Variants in SCGB1D2 observed in about 807,000 individuals in gnomAD.
SCGB1D2 encodes secretoglobin family 1D member 2.
Under a neutral mutation model 10.5 loss-of-function variants are expected in SCGB1D2, and 10 were observed. The ratio of observed to expected loss-of-function variants is 0.95; its 90% CI spans 0.59 to 1.61. The LOEUF (loss-of-function observed/expected upper bound fraction) is 1.61, where lower values mean the gene tolerates loss of function less well. Ranked by LOEUF, SCGB1D2 falls within the 40% of genes most tolerant of loss-of-function variation. The probability of loss-of-function intolerance (pLI) is 0.00; values close to 1 mark genes in which losing one functional copy is unlikely to be tolerated. For synonymous variants in SCGB1D2, 42 were observed against 42.8 expected (o/e 0.98, Z 0.08); for missense variants, 113 against 103.8 (o/e 1.09, Z -0.38).
At chr11:62,243,574 C>T (rs1265025029) in intron 2 of SCGB1D2, 98 bp downstream of exon 2, 2 of 1,064,726 alleles carry the variant, frequency 1.9e-6, no homozygotes, top group East Asian at 2.4e-5. Context: ...GGTGGTGGGG[C>T]AGCTGCCTTG....
In SCGB1D2 at chr11:62,244,704, T is replaced by G. The variant is rs1945094554; in HGVS notation, c.*5T>G. ...TTGAAGAAATGTAGTGTGTGACATGTAAAAACTTTCATCCTGGTTTCCACT... is the reference window on the plus strand; with the variant it reads ...TTGAAGAAATGTAGTGTGTGACATGGAAAAACTTTCATCCTGGTTTCCACT... On this transcript the variant is annotated 3_prime_UTR_variant, in exon 3 of 3. Coordinates refer to ENST00000244926, the MANE Select transcript of SCGB1D2 (RefSeq NM_006551.4). 2 of 1,612,088 alleles carry G rather than the reference T, an allele frequency of 1.2e-6. No homozygotes were observed. Among genetic ancestry groups the G allele is most frequent in the Admixed American group, 1.7e-5 (1 of 59,914 alleles).
intron 2 of SCGB1D2, 61 bp downstream of exon 2, chr11:62,243,537 T>C: frequency 6.4e-4 from 811 of 1,270,116 alleles, no homozygotes; most frequent in Non-Finnish European, 8.3e-4. Flanking sequence ...TGAAGTGAGG[T>C]CAGCTTGCTG....
chr11:62,242,363 G>A lies in SCGB1D2; in HGVS notation c.55+1G>A. On this transcript the variant is annotated splice_donor_variant, in intron 1 of 2. Transcript: ENST00000244926. LOFTEE classifies it high-confidence loss of function. ...ACGCTGGCCCTCTGCTGCTACCAGG[G>A]TGAGTACATCAGTCATGAGTCTAGC... 6.2e-7 allele frequency: 1 copy of A among 1,614,020 alleles called. No individual in the cohort carries two copies. Among genetic ancestry groups the A allele is most frequent in the Non-Finnish European group, 8.5e-7 (1 of 1,179,918 alleles).
Position 62,244,721 on chromosome 11 carries a change from G to A in SCGB1D2, c.*22G>A, listed in dbSNP as rs762267771. ...GTGACATGTAAAAACTTTCATCCTG[G>A]TTTCCACTGTCTTTCAATGACACCC... On this transcript the variant is annotated 3_prime_UTR_variant, in exon 3 of 3. Transcript: ENST00000244926. 1 of 1,601,776 alleles carries A rather than the reference G, an allele frequency of 6.2e-7. No individual in the cohort carries two copies.
intron 1 of SCGB1D2, among the ~76,000 whole-genome samples, chr11:62,242,565 G>A (rs557648816): frequency 1.3e-5 from 2 of 152,204 alleles, no homozygotes; most frequent in Non-Finnish European, 1.5e-5. Context: ...TTGAAAATCA[G>A]TGCAGGCAAA....
intron 1 of SCGB1D2, 101 bp downstream of exon 1, chr11:62,242,463 C>A: frequency 3.5e-6 from 4 of 1,154,256 alleles, no homozygotes; most frequent in Non-Finnish European, 5.1e-6. Context: ...TGCACAAAAC[C>A]AAAATTCCAA....
chr11:62,243,558 G>A (rs1945082553), intron 2 of SCGB1D2, 82 bp downstream of exon 2: 1 of 1,235,052 alleles, frequency 8.1e-7, no homozygotes. Context: ...CTCTGTTGGG[G>A]ACACAGGTGG....
chr11:62,244,672 G>GA lies in SCGB1D2; in HGVS notation c.250dup (p.Ile84AsnfsTer6). The GA allele has an allele frequency of 6.2e-7, 1 of 1,612,900 alleles. No individual in the cohort carries two copies. The highest frequency in any genetic ancestry group is 8.5e-7 in the Non-Finnish European group (1 of 1,179,366). On this transcript the variant is annotated frameshift_variant, in exon 3 of 3. Transcript: ENST00000244926. LOFTEE classifies it high-confidence loss of function. The stretch of plus-strand genomic sequence containing the variant: ...TCTTTTTTCTTTTCCTATTTTAGGT[G>GA]AAAATATTGAAGAAATGTAGTGTGT...
At chr11:62,244,046 G>C (rs1945088141) in intron 2 of SCGB1D2, among the ~76,000 whole-genome samples, 1 of 152,160 alleles carries the variant, frequency 6.6e-6, no homozygotes, top group South Asian at 2.1e-4. Context: ...ACCATGGCCA[G>C]TCGTCCAAGA....
At chr11:62,244,580 G>A in intron 2 of SCGB1D2, 90 bp from the exon 3 acceptor site, 3 of 1,201,058 alleles carry the variant, frequency 2.5e-6, no homozygotes, top group South Asian at 1.3e-5. Flanking sequence ...GCCTTTGGGG[G>A]CAGAATCCCA....
At chr11:62,243,226 A>G in intron 1 of SCGB1D2, 63 bp from the exon 2 acceptor site, 11 of 1,357,816 alleles carry the variant, frequency 8.1e-6, no homozygotes, top group Non-Finnish European at 1.1e-5. Flanking sequence ...GTCTAACGTC[A>G]GGGAGCCAAA....
rs754124729 is a variant in SCGB1D2, at chr11:62,243,296, C to T, written c.63C>T (p.Ala21=). 8 of 1,610,248 alleles carry T rather than the reference C, an allele frequency of 5.0e-6. No homozygotes were observed. The highest frequency in any genetic ancestry group is 1.6e-4 in the Middle Eastern group (1 of 6,066). ...TTTATTCTTTTGCTGCAGCCAATGC[C>T]GAGTTCTGCCCAGCTCTTGTTTCTG... The part of the protein sequence containing the change: ...TLALCCYQAN[A]EFCPALVSEL... Residue 21 remains alanine, a synonymous_variant, in exon 2 of 3, where the codon GCC becomes GCT. Coordinates refer to ENST00000244926, the MANE Select transcript of SCGB1D2 (RefSeq NM_006551.4).
At chr11:62,244,142 C>A (rs781419939) in intron 2 of SCGB1D2, among the ~76,000 whole-genome samples, 2 of 152,162 alleles carry the variant, frequency 1.3e-5, no homozygotes, top group African/African-American at 4.8e-5. Flanking sequence ...TTTCCAGGGG[C>A]CTCTCTGCCT....
intron 1 of SCGB1D2, 127 bp downstream of exon 1, chr11:62,242,489 T>C (rs1411543084): frequency 1.2e-6 from 1 of 837,924 alleles, no homozygotes; most frequent in Non-Finnish European, 1.9e-6. Context: ...TTTCTGTGCT[T>C]GTTGAACAAG....
chr11:62,242,972 G>T (rs1011091323), intron 1 of SCGB1D2, among the ~76,000 whole-genome samples: 1 of 152,180 alleles, frequency 6.6e-6, no homozygotes, highest in African/African-American at 2.4e-5. Flanking sequence ...TGCACCAGTA[G>T]TCTCAGCTAC....
At chr11:62,243,962 C>T (rs1945087501) in intron 2 of SCGB1D2, among the ~76,000 whole-genome samples, 1 of 152,118 alleles carries the variant, frequency 6.6e-6, no homozygotes, top group African/African-American at 2.4e-5. Context: ...TCTGCAGCTT[C>T]TGCAGAGCCA....
rs2232951 is a variant in SCGB1D2 at position 62,243,467 on chromosome 11, G to A, written c.234G>A (p.Ala78=). ...CCCTTCAGAAACGAAGCCTCATTGC[G>A]GAAGTCCTGGTAACTTCTTTCTCCT... ...QMSLQKRSLI[A]EVLVKILKKC... is the part of the protein sequence containing the mutation. Residue 78 remains alanine, a synonymous_variant, in exon 2 of 3, where the codon GCG becomes GCA. Coordinates refer to ENST00000244926, the MANE Select transcript of SCGB1D2 (RefSeq NM_006551.4). 8,484 of 1,612,400 alleles carry A rather than the reference G, an allele frequency of 5.3e-3. 386 individuals are homozygous for A. In the African/African-American group the frequency reaches 0.099, roughly 19 times the overall value.
chr11:62,244,678 A>G lies in SCGB1D2; in HGVS notation c.252A>G (p.Ile84Met). The G allele has an allele frequency of 6.2e-7, 1 of 1,613,232 alleles. No individual in the cohort carries two copies. The highest frequency in any genetic ancestry group is 8.5e-7 in the Non-Finnish European group (1 of 1,179,516). ...TTCTTTTCCTATTTTAGGTGAAAAT[A>G]TTGAAGAAATGTAGTGTGTGACATG... ...RSLIAEVLVK[I>M]LKKCSV The change falls in exon 3 of 3, where the codon ATA becomes ATG. Residue 84 changes from isoleucine to methionine, a missense_variant. Coordinates refer to ENST00000244926, the MANE Select transcript of SCGB1D2 (RefSeq NM_006551.4).
chr11:62,243,156 C>A, intron 1 of SCGB1D2, 133 bp from the exon 2 acceptor site: 2 of 650,792 alleles, frequency 3.1e-6, no homozygotes, highest in South Asian at 2.2e-5. Flanking sequence ...CCTGAAGGGT[C>A]TGGCATTGTC....
Sources: gnomAD v4.1 joint callset for allele counts (sites outside exome capture counted in the v4.1 genomes callset) on GRCh38, gnomAD v4.1.1 for gene constraint, MANE v1.5 for transcripts, NCBI Gene and HGNC (gene_info 2026-07-23, HGNC 2026-07-21) for gene names.